The following SMIM35 variants were observed in gnomAD, a reference collection of about 807,000 sequenced individuals.
SMIM35 encodes small integral membrane protein 35.
intron 1 of SMIM35, among the ~76,000 whole-genome samples, chr11:118,052,407 T>G (rs1944231693): frequency 6.6e-6 from 1 of 152,118 alleles, no homozygotes; most frequent in South Asian, 2.1e-4. Context: ...GTGGAAGATG[T>G]GTCTCCCACG....
chr11:118,019,228 T>G (rs183906693), intron 1 of SMIM35, among the ~76,000 whole-genome samples: 172 of 152,294 alleles, frequency 1.1e-3, no homozygotes, highest in African/African-American at 4.0e-3. Context: ...AGGGACCAGG[T>G]TTACTTTCCT....
In SMIM35 at chr11:118,015,916, C is replaced by A. The variant is rs950255298; in HGVS notation, c.8-107G>T. On this transcript the variant is annotated intron_variant, in intron 1 of 4. Transcript: ENST00000689828. ...TCCCACTGCCTACCAACATAACTGT[C>A]CCCTGGGAGCCTTGCTCTGAGCCCA... 21 of 398,352 alleles carry A rather than the reference C, an allele frequency of 5.3e-5. 1 individual carries two copies. Among genetic ancestry groups the A allele is most frequent in the African/African-American group, 1.4e-4 (7 of 48,754 alleles). 24.7% of individuals were successfully genotyped at this position (398,352 alleles called of 1,614,324 possible). A position where few individuals can be genotyped will look rare whatever the true frequency, so the allele number is the denominator to read the frequency against.
At chr11:118,014,879 G>T in intron 2 of SMIM35, 138 bp from the exon 3 acceptor site, 1 of 396,558 alleles carries the variant, frequency 2.5e-6, no homozygotes, top group South Asian at 1.4e-4. Context: ...TGGTGTGGGA[G>T]CATTCCAGCC....
chr11:118,061,545 G>C (rs567026095), intron 1 of SMIM35, among the ~76,000 whole-genome samples: 1 of 151,978 alleles, frequency 6.6e-6, no homozygotes, highest in East Asian at 1.9e-4. Context: ...GTTACCAGAC[G>C]AACACCGTCG....
chr11:118,060,812 G>A (rs919566219), intron 1 of SMIM35, among the ~76,000 whole-genome samples: 5 of 152,186 alleles, frequency 3.3e-5, no homozygotes, highest in South Asian at 2.1e-4. Flanking sequence ...GCCAGACATG[G>A]GTACTCCCAT....
intron 1 of SMIM35, among the ~76,000 whole-genome samples, chr11:118,082,850 G>A (rs938042303): frequency 1.3e-5 from 2 of 152,156 alleles, no homozygotes; most frequent in African/African-American, 4.8e-5. Flanking sequence ...CTGAGAGTGA[G>A]CTCTTCAGAA....
At chr11:118,027,894 C>T (rs2058287747) in intron 1 of SMIM35, among the ~76,000 whole-genome samples, 1 of 152,192 alleles carries the variant, frequency 6.6e-6, no homozygotes, top group Non-Finnish European at 1.5e-5. Context: ...CCACTCTTAC[C>T]ATTAAGATGC....
intron 1 of SMIM35, among the ~76,000 whole-genome samples, chr11:118,038,997 A>G (rs1264796920): frequency 6.6e-6 from 1 of 152,180 alleles, no homozygotes; most frequent in Non-Finnish European, 1.5e-5. Flanking sequence ...CATGAGAAGA[A>G]GCAGGAGAGA....
Position 118,058,152 on chromosome 11 carries a change from C to T in SMIM35, c.7+28599G>A, listed in dbSNP as rs1944343564. Among the ~76,000 whole-genome samples, 7 of 152,140 alleles carry T rather than the reference C, an allele frequency of 4.6e-5. No homozygotes were observed. The South Asian group carries it at 1.4e-3, about 31-fold the overall frequency. ...TGTTTTAAAAATTTGTCTCAGGTCC[C>T]CGTGGCCTGGGGGCTGGTCACCCTG... On this transcript the variant is annotated intron_variant, in intron 1 of 4. Transcript: ENST00000689828.
At chr11:118,070,191 T>C (rs1014166536) in intron 1 of SMIM35, among the ~76,000 whole-genome samples, 8 of 152,212 alleles carry the variant, frequency 5.3e-5, no homozygotes, top group Non-Finnish European at 1.2e-4. Context: ...CCTTTTCTTT[T>C]TTTTGAGGTG....
In SMIM35 at chr11:118,013,619, A is replaced by C. The variant is rs1334344412; in HGVS notation, c.*33+129T>G. On this transcript the variant is annotated intron_variant, in intron 4 of 4. Transcript: ENST00000689828. Reference sequence around the variant, plus strand: ...CCAAGCCTGAGATCGGCACCAGAAGACAGGGGATGAACCAAATAATCTCTT... The same window carrying C: ...CCAAGCCTGAGATCGGCACCAGAAGCCAGGGGATGAACCAAATAATCTCTT... 25 of 390,384 alleles carry C rather than the reference A, an allele frequency of 6.4e-5. No individual in the cohort carries two copies. In the East Asian group the frequency reaches 8.7e-4, roughly 14 times the overall value. 24.2% of individuals were successfully genotyped at this position (390,384 alleles called of 1,614,324 possible).
At chr11:118,060,883 C>T (rs1368856404) in intron 1 of SMIM35, among the ~76,000 whole-genome samples, 1 of 152,204 alleles carries the variant, frequency 6.6e-6, no homozygotes, top group African/African-American at 2.4e-5. Flanking sequence ...CACCCTGGCC[C>T]CCTTTTAATT....
At chr11:118,025,047 A>G (rs950668717) in intron 1 of SMIM35, among the ~76,000 whole-genome samples, 2 of 152,146 alleles carry the variant, frequency 1.3e-5, no homozygotes, top group Admixed American at 1.3e-4. Context: ...GTGTTAATCT[A>G]CGTAGGATAA....
At chr11:118,023,306 GAGAA>G (rs574441749) in intron 1 of SMIM35, among the ~76,000 whole-genome samples, 220 of 152,114 alleles carry the variant, frequency 1.4e-3, no homozygotes, top group Middle Eastern at 0.01. Context: ...GAGGGAGAGG[GAGAA>G]AGAGAGATTC....
At chr11:118,053,828 C>T (rs1024027760) in intron 1 of SMIM35, among the ~76,000 whole-genome samples, 2 of 152,204 alleles carry the variant, frequency 1.3e-5, no homozygotes, top group African/African-American at 4.8e-5. Flanking sequence ...GTCTCCACAT[C>T]TGCCTGCAAG....
At chr11:118,032,925 C>CA (rs1351072571) in intron 1 of SMIM35, among the ~76,000 whole-genome samples, 3 of 152,088 alleles carry the variant, frequency 2.0e-5, no homozygotes, top group Non-Finnish European at 4.4e-5. Context: ...AAAACAACAA[C>CA]AAAAAAAGGA....
chr11:118,069,010 A>G (rs1229480377), intron 1 of SMIM35, among the ~76,000 whole-genome samples: 2 of 152,212 alleles, frequency 1.3e-5, no homozygotes, highest in African/African-American at 4.8e-5. Context: ...TCATTTGTTA[A>G]CGGACCACCA....
chr11:118,042,385 T>C (rs1190976986), intron 1 of SMIM35, among the ~76,000 whole-genome samples: 1 of 152,120 alleles, frequency 6.6e-6, no homozygotes, highest in East Asian at 1.9e-4. Context: ...TTCCTAGAAA[T>C]ACACAAACCA....
chr11:118,055,722 T>A (rs571093479), intron 1 of SMIM35, among the ~76,000 whole-genome samples: 1 of 152,314 alleles, frequency 6.6e-6, no homozygotes, highest in South Asian at 2.1e-4. Context: ...TTCTAGGAAG[T>A]CCTCCTTGGT....
Sources: allele counts gnomAD v4.1 joint callset (sites outside exome capture counted in the v4.1 genomes callset), GRCh38; gene constraint gnomAD v4.1.1; transcripts MANE v1.5; gene names NCBI Gene and HGNC (gene_info 2026-07-23, HGNC 2026-07-21).